The following PRIMPOL variants were observed in gnomAD, a reference collection of about 807,000 sequenced individuals.
The protein encoded by PRIMPOL is DNA-directed primase/polymerase protein.
A neutral mutation model predicts 63.6 loss-of-function variants in PRIMPOL; 54 were observed. The ratio of observed to expected loss-of-function variants is 0.85; its 90% CI spans 0.68 to 1.07. PRIMPOL has a LOEUF of 1.07. PRIMPOL is among the 50% of genes least tolerant of loss of function. PRIMPOL has a pLI of 0.00. For synonymous variants in PRIMPOL, 197 were observed against 220.2 expected (o/e 0.89, Z 0.93); for missense variants, 610 against 648.3 (o/e 0.94, Z 0.64).
chr4:184,671,249 G>C (rs1751523579), intron 6 of PRIMPOL, among the ~76,000 whole-genome samples: 1 of 152,178 alleles, frequency 6.6e-6, no homozygotes, highest in South Asian at 2.1e-4. Flanking sequence ...TGCCCAGTTT[G>C]AGGCAGAGGT....
At chr4:184,687,438 T>G (rs771879234) in intron 11 of PRIMPOL, among the ~76,000 whole-genome samples, 2 of 152,114 alleles carry the variant, frequency 1.3e-5, no homozygotes, top group African/African-American at 2.4e-5. Context: ...CCGCCCACCT[T>G]AACAACCAGA....
intron 7 of PRIMPOL, among the ~76,000 whole-genome samples, chr4:184,672,901 T>C (rs955973645): frequency 2.6e-5 from 4 of 152,150 alleles, no homozygotes; most frequent in Non-Finnish European, 5.9e-5. Context: ...TTTCATCAGC[T>C]TTCTTGCTGT....
chr4:184,692,542 GA>G (rs1183221224), intron 13 of PRIMPOL, among the ~76,000 whole-genome samples: 1 of 144,680 alleles, frequency 6.9e-6, no homozygotes, highest in African/African-American at 2.5e-5. Flanking sequence ...AAAGAGGAAA[GA>G]ATCTTCCTTA....
At chr4:184,667,227 C>T (rs1750176289) in intron 6 of PRIMPOL, among the ~76,000 whole-genome samples, 1 of 152,202 alleles carries the variant, frequency 6.6e-6, no homozygotes, top group South Asian at 2.1e-4. Context: ...GACGTTCCTT[C>T]TCAGTCTCTC....
At chr4:184,655,302 G>A (rs1214685926) in intron 2 of PRIMPOL, among the ~76,000 whole-genome samples, 1 of 150,152 alleles carries the variant, frequency 6.7e-6, no homozygotes, top group Admixed American at 6.7e-5. Context: ...GAACCACGGC[G>A]CCTGGTCTAC....
rs1253804065 is a variant in PRIMPOL at position 184,661,754 on chromosome 4, T to C, written c.279-20T>C. 6.7e-7 allele frequency: 1 copy of C among 1,494,500 alleles called. No homozygotes were observed. The allele number at this position is 1,494,500 out of a possible 1,614,324, so 92.6% of individuals were successfully genotyped here. A position where few individuals can be genotyped will look rare whatever the true frequency, so the allele number is the denominator to read the frequency against. On this transcript the variant is annotated intron_variant, in intron 4 of 13. Coordinates refer to ENST00000314970, the MANE Select transcript of PRIMPOL (RefSeq NM_152683.4). ...AAGGTATAATATATCAATTTAACAA[T>C]CTTGAATTATTCAATTTAGAAAAAA...
At chr4:184,694,202 G>C in intron 13 of PRIMPOL, 5 of 1,051,884 alleles carry the variant, frequency 4.8e-6, no homozygotes, top group Non-Finnish European at 5.7e-6. Flanking sequence ...CTTCTGATTT[G>C]TCTTCAGCTG....
At chr4:184,687,916 A>G (rs1041245969) in intron 11 of PRIMPOL, among the ~76,000 whole-genome samples, 2 of 152,226 alleles carry the variant, frequency 1.3e-5, no homozygotes, top group East Asian at 1.9e-4. Context: ...GTGCCCGGCC[A>G]TAAACAATAT....
At chr4:184,655,766 A>C (rs1245607161) in intron 2 of PRIMPOL, among the ~76,000 whole-genome samples, 1 of 152,258 alleles carries the variant, frequency 6.6e-6, no homozygotes, top group Non-Finnish European at 1.5e-5. Flanking sequence ...CCAAAGAAAT[A>C]GGACTTCACT....
chr4:184,669,455 A>G (rs1009333092), intron 6 of PRIMPOL, among the ~76,000 whole-genome samples: 1 of 152,228 alleles, frequency 6.6e-6, no homozygotes, highest in Non-Finnish European at 1.5e-5. Flanking sequence ...GACTGCCGTC[A>G]GGGTGTGGAG....
At chr4:184,655,511 G>A (rs556491498) in intron 2 of PRIMPOL, among the ~76,000 whole-genome samples, 1 of 151,484 alleles carries the variant, frequency 6.6e-6, no homozygotes, top group South Asian at 2.1e-4. Flanking sequence ...TAGTAGAGAC[G>A]GGGTTTCACC....
chr4:184,673,953 C>T (rs912747855), intron 7 of PRIMPOL, among the ~76,000 whole-genome samples: 5 of 152,198 alleles, frequency 3.3e-5, no homozygotes, highest in African/African-American at 1.2e-4. Context: ...GGCAGAGGCA[C>T]CTTCTTCCAA....
At chr4:184,693,829 A>G (rs57705148) in intron 13 of PRIMPOL, among the ~76,000 whole-genome samples, 8,712 of 152,184 alleles carry the variant, frequency 0.057, 799 homozygotes, top group African/African-American at 0.2. Flanking sequence ...AGCGGAAAGA[A>G]TAAGACATTC....
chr4:184,665,203 C>G (rs1379531396), intron 5 of PRIMPOL, among the ~76,000 whole-genome samples: 2 of 152,112 alleles, frequency 1.3e-5, no homozygotes, highest in Admixed American at 6.5e-5. Flanking sequence ...TTTCCATTTT[C>G]TTTTTTATTC....
chr4:184,691,519 A>C lies in PRIMPOL; in HGVS notation c.1316A>C (p.Asn439Thr). The C allele has an allele frequency of 6.2e-7, 1 of 1,600,292 alleles. No individual in the cohort carries two copies. The highest frequency in any genetic ancestry group is 8.5e-7 in the Non-Finnish European group (1 of 1,171,002). Residue 439 changes from asparagine (N) to threonine (T), a missense_variant, in exon 12 of 14, where the codon AAT becomes ACT. This residue lies in a region of PRIMPOL where 444 missense variants were observed against 456.4 expected (regional missense o/e 0.97). Transcript: ENST00000314970. ...NNIMILVDLK[N>T]EVWYQKCHDP... ...TAAAGGATTCTGGTTGATCTGAAAA[A>C]TGAAGTTTGGTATCAAAAATGTCAT...
chr4:184,656,525 A>C (rs1037361672), intron 2 of PRIMPOL, among the ~76,000 whole-genome samples: 1 of 152,216 alleles, frequency 6.6e-6, no homozygotes, highest in African/African-American at 2.4e-5. Context: ...CCATTACTAC[A>C]GACATCCAAA....
At chr4:184,668,828 G>C (rs55635512) in intron 6 of PRIMPOL, among the ~76,000 whole-genome samples, 5 of 151,328 alleles carry the variant, frequency 3.3e-5, no homozygotes. Flanking sequence ...TTCTTACTTT[G>C]GTATTTCCAG....
At chr4:184,661,675 C>T in intron 4 of PRIMPOL, 99 bp from the exon 5 acceptor site, 1 of 747,092 alleles carries the variant, frequency 1.3e-6, no homozygotes, top group Non-Finnish European at 2.1e-6. Context: ...CACTGCAGTC[C>T]AGCCTGGGCA....
In PRIMPOL at chr4:184,672,213, G is replaced by C. The variant is rs761480385; in HGVS notation, c.597G>C (p.Leu199Phe). The C allele has an allele frequency of 6.2e-7, 1 of 1,612,572 alleles. No individual in the cohort carries two copies. The highest frequency in any genetic ancestry group is 8.5e-7 in the Non-Finnish European group (1 of 1,179,710). The part of the protein sequence containing the change: ...LRKILQPALD[L>F]LGSEDDDSAP... ...AAATTTTGCAGCCTGCTCTTGACTT[G>C]CTTGGCAGTGAAGATGATGATAGCG... The change falls in exon 7 of 14, where the codon TTG (leucine) becomes TTC (phenylalanine). Residue 199 changes from leucine to phenylalanine, a missense_variant. Leu to Phe is a conservative substitution (Grantham distance 22). Coordinates refer to ENST00000314970, the MANE Select transcript of PRIMPOL (RefSeq NM_152683.4).
Sources: allele counts gnomAD v4.1 joint callset (sites outside exome capture counted in the v4.1 genomes callset), GRCh38; gene constraint gnomAD v4.1.1; regional missense constraint gnomAD v4.1.1; transcripts MANE v1.5; gene names NCBI Gene and HGNC (gene_info 2026-07-23, HGNC 2026-07-21).